DGKB: variants seen among roughly 807,000 people sequenced by gnomAD.
The protein encoded by DGKB is 90 kDa diacylglycerol kinase.
In DGKB, 67 loss-of-function variants were observed where a neutral mutation model predicts 114.3. The observed-to-expected ratio is 0.59, with a 90% CI of 0.48 to 0.72. The LOEUF is 0.72. DGKB is among the 30% of genes least tolerant of loss of function. DGKB has a pLI of 0.00. For synonymous variants in DGKB, 398 were observed against 323.1 expected, an observed-to-expected ratio of 1.23 and a Z score of -2.49; for missense variants, 907 against 975.2, an observed-to-expected ratio of 0.93 and a Z score of 0.93.
chr7:14,656,333 T>G (rs1442717433), intron 13 of DGKB, among the ~76,000 whole-genome samples: 1 of 151,672 alleles, frequency 6.6e-6, no homozygotes, highest in East Asian at 1.9e-4. Context: ...ACACCTATGA[T>G]CTGAACTTAA....
chr7:14,280,966 C>A (rs1229731392), intron 23 of DGKB, among the ~76,000 whole-genome samples: 3 of 151,480 alleles, frequency 2.0e-5, no homozygotes, highest in African/African-American at 7.3e-5. Context: ...CGAGCAAAAT[C>A]ACCAGCTAAC....
At chr7:14,566,753 C>G (rs1301559041) in intron 20 of DGKB, among the ~76,000 whole-genome samples, 1 of 152,064 alleles carries the variant, frequency 6.6e-6, no homozygotes, top group Non-Finnish European at 1.5e-5. Flanking sequence ...CCTAGCAGAG[C>G]TTTGAAGGCA....
At chr7:14,947,035 AGTTT>A (rs1433399204) in intron 1 of DGKB, among the ~76,000 whole-genome samples, 1 of 151,620 alleles carries the variant, frequency 6.6e-6, no homozygotes, top group African/African-American at 2.4e-5. Context: ...TAGCATAGAG[AGTTT>A]GTTTTACTTA....
At chr7:14,858,112 T>C (rs1188729545) in intron 1 of DGKB, among the ~76,000 whole-genome samples, 4 of 152,140 alleles carry the variant, frequency 2.6e-5, no homozygotes, top group Non-Finnish European at 5.9e-5. Flanking sequence ...GAGGAACGGG[T>C]ATTTGATGGT....
intron 13 of DGKB, among the ~76,000 whole-genome samples, chr7:14,653,939 A>G (rs1471374925): frequency 6.6e-6 from 1 of 152,046 alleles, no homozygotes; most frequent in Non-Finnish European, 1.5e-5. Flanking sequence ...CACTGAACAG[A>G]GAAAAGCTTA....
intron 1 of DGKB, among the ~76,000 whole-genome samples, chr7:14,934,284 A>G (rs1785171863): frequency 6.6e-6 from 1 of 152,146 alleles, no homozygotes; most frequent in Non-Finnish European, 1.5e-5. Flanking sequence ...CAGGAGAGAA[A>G]TATCTCTTTT....
chr7:14,494,259 A>G (rs1316472761), intron 20 of DGKB, among the ~76,000 whole-genome samples: 1 of 152,028 alleles, frequency 6.6e-6, no homozygotes, highest in African/African-American at 2.4e-5. Flanking sequence ...GTCAAGTATT[A>G]GTATTAGTTC....
intron 23 of DGKB, among the ~76,000 whole-genome samples, chr7:14,222,664 T>C (rs1331813613): frequency 1.3e-5 from 2 of 151,488 alleles, no homozygotes; most frequent in South Asian, 2.1e-4. Flanking sequence ...TTTGTACAGA[T>C]GCTGATACAC....
At chr7:14,828,438 T>C (rs1410390712) in intron 2 of DGKB, among the ~76,000 whole-genome samples, 1 of 152,098 alleles carries the variant, frequency 6.6e-6, no homozygotes, top group African/African-American at 2.4e-5. Flanking sequence ...GACATATTGG[T>C]AGATGCCTTA....
intron 21 of DGKB, among the ~76,000 whole-genome samples, chr7:14,383,095 A>G (rs1819750344): frequency 6.6e-6 from 1 of 152,214 alleles, no homozygotes; most frequent in South Asian, 2.1e-4. Flanking sequence ...GACCTATGGT[A>G]AAAAACAAGG....
intron 6 of DGKB, among the ~76,000 whole-genome samples, chr7:14,705,035 C>G (rs1050746017): frequency 6.7e-6 from 1 of 149,486 alleles, no homozygotes; most frequent in African/African-American, 2.4e-5. Flanking sequence ...TACGGGAGGA[C>G]ATTCAAACCA....
At chr7:14,158,402 G>C (rs1783362090) in intron 25 of DGKB, among the ~76,000 whole-genome samples, 1 of 152,106 alleles carries the variant, frequency 6.6e-6, no homozygotes, top group Non-Finnish European at 1.5e-5. Flanking sequence ...TTAATGTGGG[G>C]CATTTACTAA....
chr7:14,959,420 A>G (rs1299193107), intron 1 of DGKB, among the ~76,000 whole-genome samples: 1 of 151,736 alleles, frequency 6.6e-6, no homozygotes, highest in Non-Finnish European at 1.5e-5. Context: ...AGGGCATTTT[A>G]GATGGGAGGG....
chr7:14,321,149 G>C (rs1162020022), intron 23 of DGKB, among the ~76,000 whole-genome samples: 2 of 152,044 alleles, frequency 1.3e-5, no homozygotes, highest in Non-Finnish European at 2.9e-5. Context: ...AACTTAGCCA[G>C]ACATGATGGC....
chr7:14,460,680 A>C (rs1367309334), intron 21 of DGKB, among the ~76,000 whole-genome samples: 1 of 152,140 alleles, frequency 6.6e-6, no homozygotes, highest in East Asian at 1.9e-4. Context: ...CCCACTGTCA[A>C]TATCAGACAG....
intron 1 of DGKB, among the ~76,000 whole-genome samples, chr7:14,914,849 A>C (rs1431223789): frequency 6.6e-6 from 1 of 152,122 alleles, no homozygotes. Context: ...ATTAGAAAAA[A>C]AAAACAACAC....
At chr7:14,262,368 A>C (rs1264361176) in intron 23 of DGKB, among the ~76,000 whole-genome samples, 1 of 152,054 alleles carries the variant, frequency 6.6e-6, no homozygotes, top group Admixed American at 6.6e-5. Context: ...AAAGAGATTA[A>C]TTTTTTTATA....
intron 14 of DGKB, among the ~76,000 whole-genome samples, chr7:14,629,860 T>A (rs964576259): frequency 6.6e-6 from 1 of 152,118 alleles, no homozygotes. Flanking sequence ...TATATTTTGA[T>A]GGCTCAAAGA....
intron 2 of DGKB, among the ~76,000 whole-genome samples, chr7:14,808,424 A>C (rs1425991864): frequency 1.3e-5 from 2 of 152,058 alleles, no homozygotes; most frequent in Non-Finnish European, 1.5e-5. Flanking sequence ...ATGCTTCCTA[A>C]ATGTTCATCA....
Sources: allele counts gnomAD v4.1 joint callset (sites outside exome capture counted in the v4.1 genomes callset), GRCh38; gene constraint gnomAD v4.1.1; transcripts MANE v1.5; gene names NCBI Gene and HGNC (gene_info 2026-07-23, HGNC 2026-07-21).